The following DOK5 variants were observed in gnomAD, a reference collection of about 807,000 sequenced individuals.
DOK5 encodes downstream of tyrosine kinase 5.
Under a neutral mutation model 43.3 loss-of-function variants are expected in DOK5, and 27 were observed. That is an observed-to-expected ratio of 0.62 (90% CI 0.46 to 0.86). The LOEUF (loss-of-function observed/expected upper bound fraction) is 0.86, where lower values mean the gene tolerates loss of function less well. Ranked by LOEUF, DOK5 falls within the 40% of genes least tolerant of loss-of-function variation. The pLI, the probability that DOK5 is intolerant of heterozygous loss-of-function variation, is 0.00. For synonymous variants in DOK5, 146 were observed against 140.1 expected, an observed-to-expected ratio of 1.04 and a Z score of -0.30; for missense variants, 373 against 392.9, an observed-to-expected ratio of 0.95 and a Z score of 0.43.
At chr20:54,515,572 G>A (rs551111714) in intron 1 of DOK5, among the ~76,000 whole-genome samples, 2 of 152,196 alleles carry the variant, frequency 1.3e-5, no homozygotes, top group African/African-American at 4.8e-5. Context: ...AGTACATCTT[G>A]TTGCTATTCA....
intron 1 of DOK5, among the ~76,000 whole-genome samples, chr20:54,477,138 T>C (rs1277029839): frequency 6.6e-6 from 1 of 152,142 alleles, no homozygotes; most frequent in East Asian, 1.9e-4. Flanking sequence ...CCATTGATAA[T>C]GAGTGGTAAA....
intron 1 of DOK5, among the ~76,000 whole-genome samples, chr20:54,518,847 C>T (rs1252035884): frequency 6.6e-6 from 1 of 150,800 alleles, no homozygotes; most frequent in African/African-American, 2.4e-5. Flanking sequence ...TGAACTCAAA[C>T]AAATTTACAA....
intron 2 of DOK5, among the ~76,000 whole-genome samples, chr20:54,587,351 A>G (rs183281673): frequency 6.6e-6 from 1 of 152,304 alleles, no homozygotes; most frequent in East Asian, 1.9e-4. Context: ...AGTGTTGTGC[A>G]TGGAGGATAT....
chr20:54,609,382 T>G (rs548762072), intron 5 of DOK5, among the ~76,000 whole-genome samples: 57 of 152,332 alleles, frequency 3.7e-4, no homozygotes, highest in African/African-American at 1.3e-3. Context: ...AGTTTACTGT[T>G]GGCATATGTA....
chr20:54,476,136 T>C, intron 1 of DOK5, 124 bp downstream of exon 1: 1 of 1,543,180 alleles, frequency 6.5e-7, no homozygotes. Flanking sequence ...GGTGGCTTTC[T>C]CAGCCGAAAC....
intron 1 of DOK5, among the ~76,000 whole-genome samples, chr20:54,507,234 G>A (rs576757660): frequency 6.6e-6 from 1 of 152,210 alleles, no homozygotes; most frequent in East Asian, 1.9e-4. Context: ...AAAATGATAG[G>A]TCGAGGTAAT....
intron 1 of DOK5, among the ~76,000 whole-genome samples, chr20:54,552,801 T>A (rs1401953872): frequency 6.6e-6 from 1 of 151,794 alleles, no homozygotes; most frequent in Admixed American, 6.5e-5. Context: ...TGGATTTCGT[T>A]TTTTCACCCT....
intron 1 of DOK5, among the ~76,000 whole-genome samples, chr20:54,488,448 A>G (rs1217032187): frequency 3.3e-5 from 5 of 152,054 alleles, no homozygotes; most frequent in African/African-American, 1.2e-4. Context: ...CTAGAACATC[A>G]CGTAATTTAA....
chr20:54,638,752 C>CTTTTTTTTTTTTTTT (rs11476340), intron 6 of DOK5, among the ~76,000 whole-genome samples: 3 of 98,532 alleles, frequency 3.0e-5, no homozygotes, highest in Admixed American at 1.0e-4. Context: ...CTTTTCTTTT[C>CTTTTTTTTTTTTTTT]TTTTTTTTTT....
At chr20:54,490,921 A>G (rs1362498813) in intron 1 of DOK5, among the ~76,000 whole-genome samples, 1 of 152,122 alleles carries the variant, frequency 6.6e-6, no homozygotes, top group African/African-American at 2.4e-5. Flanking sequence ...TGGCTATAGC[A>G]TCTACTTTTC....
At chr20:54,648,249 G>A (rs1344124279) in intron 7 of DOK5, among the ~76,000 whole-genome samples, 1 of 152,144 alleles carries the variant, frequency 6.6e-6, no homozygotes, top group Non-Finnish European at 1.5e-5. Context: ...GCCAAGCGCT[G>A]TGCTAGATGA....
chr20:54,613,243 T>C (rs1986710424), intron 6 of DOK5, among the ~76,000 whole-genome samples: 1 of 149,814 alleles, frequency 6.7e-6, no homozygotes, highest in African/African-American at 2.4e-5. Flanking sequence ...TCTCTCGCCA[T>C]CTCTCTCTCT....
intron 1 of DOK5, among the ~76,000 whole-genome samples, chr20:54,491,932 AAG>A (rs962086990): frequency 6.6e-5 from 10 of 152,148 alleles, no homozygotes; most frequent in Admixed American, 5.9e-4. Flanking sequence ...AAATGAAAGA[AAG>A]AGAGAAAAAG....
chr20:54,477,751 G>A (rs1284129570), intron 1 of DOK5, among the ~76,000 whole-genome samples: 1 of 152,116 alleles, frequency 6.6e-6, no homozygotes, highest in Non-Finnish European at 1.5e-5. Flanking sequence ...ATTCCAATGG[G>A]AAGAGGACAT....
At chr20:54,502,084 G>A (rs1032135377) in intron 1 of DOK5, among the ~76,000 whole-genome samples, 5 of 152,180 alleles carry the variant, frequency 3.3e-5, no homozygotes, top group African/African-American at 1.2e-4. Context: ...ATTTGAGTCA[G>A]TTCTGTACTG....
At chr20:54,481,142 C>G (rs1357435925) in intron 1 of DOK5, among the ~76,000 whole-genome samples, 1 of 148,930 alleles carries the variant, frequency 6.7e-6, no homozygotes, top group African/African-American at 2.5e-5. Flanking sequence ...ATCTATCTAT[C>G]TATCTATCTA....
chr20:54,569,396 G>A (rs1985211090), intron 2 of DOK5, among the ~76,000 whole-genome samples: 1 of 152,078 alleles, frequency 6.6e-6, no homozygotes, highest in African/African-American at 2.4e-5. Context: ...CAGCTCTAGC[G>A]TACTGTTTAA....
intron 1 of DOK5, among the ~76,000 whole-genome samples, chr20:54,486,604 T>G (rs1007488347): frequency 3.3e-5 from 5 of 151,964 alleles, no homozygotes; most frequent in African/African-American, 1.2e-4. Context: ...AATTGGTGCA[T>G]TAGTTTATTT....
intron 5 of DOK5, among the ~76,000 whole-genome samples, chr20:54,600,327 C>A (rs932216099): frequency 3.9e-5 from 6 of 152,024 alleles, no homozygotes; most frequent in Non-Finnish European, 1.5e-5. Context: ...AGTTGGACAA[C>A]TACAGAGTTT....
Sources: gnomAD v4.1 joint callset for allele counts (sites outside exome capture counted in the v4.1 genomes callset) on GRCh38, gnomAD v4.1.1 for gene constraint, MANE v1.5 for transcripts, NCBI Gene and HGNC (gene_info 2026-07-23, HGNC 2026-07-21) for gene names.